STK3: variants seen among roughly 807,000 people sequenced by gnomAD.
STK3 encodes serine/threonine-protein kinase 3.
A neutral mutation model predicts 58.0 loss-of-function variants in STK3; 41 were observed. That is an observed-to-expected ratio of 0.71 (90% CI 0.55 to 0.92). The LOEUF (loss-of-function observed/expected upper bound fraction) is 0.92, where lower values mean the gene tolerates loss of function less well. Among genes scored for constraint, STK3 ranks in the 40% least tolerant of loss-of-function variants. STK3 has a pLI of 0.00. For missense variants in STK3, 479 were observed against 602.7 expected (o/e 0.79, Z 2.15); for synonymous variants, 170 against 191.0 (o/e 0.89, Z 0.91).
intron 1 of STK3, among the ~76,000 whole-genome samples, chr8:98,893,516 G>GAA (rs1319147379): frequency 8.1e-6 from 1 of 123,084 alleles, no homozygotes; most frequent in African/African-American, 2.9e-5. Flanking sequence ...AAGAAAGAAA[G>GAA]AAAGAAAGAA....
chr8:98,762,007 C>G (rs1830646804), intron 3 of STK3, among the ~76,000 whole-genome samples: 1 of 152,144 alleles, frequency 6.6e-6, no homozygotes, highest in African/African-American at 2.4e-5. Context: ...GTTATCTCTT[C>G]TCTTTGCCCA....
At chr8:98,825,930 C>A (rs1260529616), upstream of STK3, among the ~76,000 whole-genome samples, 1 of 147,418 alleles carries the variant, frequency 6.8e-6, no homozygotes, top group South Asian at 2.1e-4. Context: ...CGGAGCCGGG[C>A]ACCGCGGCGG....
rs181702443 is a variant in STK3 at position 98,484,179 on chromosome 8, A to G, written c.1318-28179T>C. Among the ~76,000 whole-genome samples the G allele has an allele frequency of 5.7e-3, 737 of 130,238 alleles. 7 individuals are homozygous for G. The highest frequency in any genetic ancestry group is 0.019 in the African/African-American group (710 of 36,426). The allele number at this position is 130,238 out of a possible 152,430, so 85.4% of individuals were successfully genotyped here. A position where few individuals can be genotyped will look rare whatever the true frequency, so the allele number is the denominator to read the frequency against. On this transcript the variant is annotated intron_variant, in intron 10 of 10. Transcript: ENST00000419617. Reference sequence around the variant, plus strand: ...AGTCCACTTTAGTCTAAGTCCCACAATTTTTCAGAAAGACCAGGAGGCCAT... The same window carrying G: ...AGTCCACTTTAGTCTAAGTCCCACAGTTTTTCAGAAAGACCAGGAGGCCAT...
chr8:98,864,958 G>A (rs1837079135), intron 3 of STK3, among the ~76,000 whole-genome samples: 1 of 152,092 alleles, frequency 6.6e-6, no homozygotes, highest in Admixed American at 6.5e-5. Flanking sequence ...TTAGGACATG[G>A]GCCAGAACTT....
At chr8:98,827,372 G>T (rs887254433), upstream of STK3, among the ~76,000 whole-genome samples, 4 of 152,148 alleles carry the variant, frequency 2.6e-5, no homozygotes, top group Non-Finnish European at 5.9e-5. Flanking sequence ...AAGATGTAGA[G>T]TTACATAGAA....
chr8:98,820,229 C>T (rs1834801637), intron 1 of STK3, among the ~76,000 whole-genome samples: 1 of 152,088 alleles, frequency 6.6e-6, no homozygotes, highest in Admixed American at 6.6e-5. Context: ...CCCAAACTAC[C>T]CTTTCACACT....
chr8:98,677,820 T>C (rs934522464), intron 6 of STK3, among the ~76,000 whole-genome samples: 1 of 152,194 alleles, frequency 6.6e-6, no homozygotes, highest in Non-Finnish European at 1.5e-5. Context: ...CGCAAAACAT[T>C]TGAAAATGTT....
chr8:98,941,510 G>T (rs1840428460), intron 1 of STK3, among the ~76,000 whole-genome samples: 1 of 152,278 alleles, frequency 6.6e-6, no homozygotes, highest in African/African-American at 2.4e-5. Context: ...AAAAGATAAG[G>T]TTTTCACATT....
chr8:98,766,860 C>G (rs1310630489), intron 3 of STK3, among the ~76,000 whole-genome samples: 1 of 152,190 alleles, frequency 6.6e-6, no homozygotes, highest in Non-Finnish European at 1.5e-5. Flanking sequence ...TGGTAGCTCA[C>G]GCCTGTAATC....
intron 3 of STK3, chr8:98,434,074 G>T (rs1818399519): frequency 6.6e-6 from 1 of 152,232 alleles, no homozygotes; most frequent in African/African-American, 2.4e-5. Flanking sequence ...GGCCCCAGAA[G>T]GGGCCCTGAG....
chr8:98,806,594 T>C (rs1322586727), intron 1 of STK3, among the ~76,000 whole-genome samples: 1 of 152,204 alleles, frequency 6.6e-6, no homozygotes, highest in Non-Finnish European at 1.5e-5. Context: ...TGTTAGTCCC[T>C]GTGTTAATGG....
intron 1 of STK3, among the ~76,000 whole-genome samples, chr8:98,919,883 G>A (rs1326222549): frequency 6.6e-6 from 1 of 152,174 alleles, no homozygotes. Context: ...ACTGCATGGG[G>A]AATACACAAA....
intron 6 of STK3, among the ~76,000 whole-genome samples, chr8:98,678,485 T>G (rs1430067523): frequency 2.0e-5 from 3 of 152,152 alleles, no homozygotes; most frequent in Non-Finnish European, 2.9e-5. Context: ...ATGGCTTCTT[T>G]GCATAAGTTG....
chr8:98,356,637 A>T, the STK3 span, among the ~76,000 whole-genome samples: 1 of 152,162 alleles, frequency 6.6e-6, no homozygotes, highest in Non-Finnish European at 1.5e-5. Context: ...AGTCAAATGA[A>T]TTTTTCATGA....
chr8:98,453,435 TTGAC>T (rs1451461327), downstream of STK3, among the ~76,000 whole-genome samples: 3 of 152,162 alleles, frequency 2.0e-5, no homozygotes, highest in Non-Finnish European at 4.4e-5. Context: ...TTAAATTCCT[TTGAC>T]TGGTAGGGGC....
intron 9 of STK3, among the ~76,000 whole-genome samples, chr8:98,530,767 C>T (rs773929814): frequency 1.8e-4 from 27 of 152,360 alleles, no homozygotes; most frequent in Admixed American, 4.6e-4. Flanking sequence ...TCCTCTCAAA[C>T]TCTACCACTG....
chr8:98,527,480 T>C (rs765376506), intron 9 of STK3, among the ~76,000 whole-genome samples: 56 of 151,944 alleles, frequency 3.7e-4, no homozygotes, highest in Non-Finnish European at 6.9e-4. Flanking sequence ...ATTAGCCAGG[T>C]GTGGTGGCAC....
At chr8:98,506,693 A>T (rs1203932336) in intron 10 of STK3, among the ~76,000 whole-genome samples, 1 of 152,080 alleles carries the variant, frequency 6.6e-6, no homozygotes, top group East Asian at 1.9e-4. Context: ...AGCCTAGGCG[A>T]CAGAGCAAGA....
At chr8:98,792,878 A>G (rs1832893376) in intron 1 of STK3, among the ~76,000 whole-genome samples, 1 of 149,032 alleles carries the variant, frequency 6.7e-6, no homozygotes, top group African/African-American at 2.5e-5. Context: ...TCAATCAACA[A>G]CTGGATAAAG....
Sources: gnomAD v4.1 joint callset for allele counts (sites outside exome capture counted in the v4.1 genomes callset) on GRCh38, gnomAD v4.1.1 for gene constraint, MANE v1.5 for transcripts, NCBI Gene and HGNC (gene_info 2026-07-23, HGNC 2026-07-21) for gene names.